The following TBXAS1 variants were observed in gnomAD, a reference collection of about 807,000 sequenced individuals.
TBXAS1 encodes the protein thromboxane A synthase 1, also known as thromboxane-A synthase.
Under a neutral mutation model 60.7 loss-of-function variants are expected in TBXAS1, and 48 were observed. The ratio of observed to expected loss-of-function variants is 0.79; its 90% CI spans 0.63 to 1.01. The LOEUF (loss-of-function observed/expected upper bound fraction) is 1.01. Among genes scored for constraint, TBXAS1 ranks in the 50% least tolerant of loss-of-function variants. TBXAS1 has a pLI of 0.00. For missense variants in TBXAS1, 685 were observed against 686.3 expected (o/e 1.00, Z 0.02); for synonymous variants, 287 against 269.7 (o/e 1.06, Z -0.63).
At chr7:139,944,094 T>C (rs1808503474) in intron 5 of TBXAS1, among the ~76,000 whole-genome samples, 1 of 152,156 alleles carries the variant, frequency 6.6e-6, no homozygotes, top group African/African-American at 2.4e-5. Context: ...AGAAACAAGG[T>C]ACATAAATCA....
intron 9 of TBXAS1, among the ~76,000 whole-genome samples, chr7:139,986,291 G>T (rs1051686549): frequency 6.6e-6 from 1 of 152,206 alleles, no homozygotes; most frequent in Non-Finnish European, 1.5e-5. Context: ...CCAGAGTTAA[G>T]TTGACTAGGG....
intron 1 of TBXAS1, among the ~76,000 whole-genome samples, chr7:139,857,353 T>A (rs988711712): frequency 6.6e-6 from 1 of 152,226 alleles, no homozygotes; most frequent in African/African-American, 2.4e-5. Context: ...TTACTCTTTT[T>A]TTTTCTCTCC....
In TBXAS1 at chr7:139,955,509, C is replaced by A. The variant is rs560818343; in HGVS notation, c.590C>A (p.Thr197Asn). The A allele has an allele frequency of 2.1e-4, 332 of 1,614,220 alleles. No homozygotes were observed. In the South Asian group the frequency reaches 3.5e-3, roughly 17 times the overall value. ...GTGGTTGCCAGCGTCGCCTTTGGCA[C>A]CCCGGTGGACTCCTGGCAGGCCCCT... ...TDVVASVAFG[T>N]PVDSWQAPED... Residue 197 changes from threonine (T) to asparagine (N), a missense_variant, in exon 7 of 13, where the codon ACC becomes AAC. Thr to Asn is a moderately conservative substitution (Grantham distance 65, BLOSUM62 0). Transcript: ENST00000448866.
At chr7:139,913,220 C>T in intron 4 of TBXAS1, 1 of 691,642 alleles carries the variant, frequency 1.4e-6, no homozygotes. Flanking sequence ...TTCTCTTTCC[C>T]AAACACTGCA....
chr7:139,808,755 T>C (rs1248966499), intron 4 of TBXAS1, among the ~76,000 whole-genome samples: 1 of 152,188 alleles, frequency 6.6e-6, no homozygotes, highest in African/African-American at 2.4e-5. Flanking sequence ...TACACACCTG[T>C]CTCACCTCCT....
chr7:140,008,516 T>G (rs2008810), intron 10 of TBXAS1, among the ~76,000 whole-genome samples: 1 of 150,148 alleles, frequency 6.7e-6, no homozygotes, highest in East Asian at 2.0e-4. Context: ...GGTGTGATCT[T>G]GGCTCACTGA....
chr7:139,865,695 A>G (rs868734771), intron 1 of TBXAS1, among the ~76,000 whole-genome samples: 70 of 15,888 alleles, frequency 4.4e-3, no homozygotes, highest in African/African-American at 5.4e-3. Flanking sequence ...AGGAGGAGGA[A>G]GAGGAGGAGG....
At chr7:139,802,097 A>G (rs1405977747) in intron 4 of TBXAS1, among the ~76,000 whole-genome samples, 1 of 152,188 alleles carries the variant, frequency 6.6e-6, no homozygotes, top group Non-Finnish European at 1.5e-5. Context: ...ACTCTCTCAT[A>G]TCACTTTGTT....
At chr7:139,996,961 G>A (rs190117682) in intron 9 of TBXAS1, among the ~76,000 whole-genome samples, 1 of 152,242 alleles carries the variant, frequency 6.6e-6, no homozygotes, top group East Asian at 1.9e-4. Context: ...CTGTCTTATT[G>A]ACCTATTTCC....
chr7:139,943,352 C>A (rs984732837), intron 5 of TBXAS1, among the ~76,000 whole-genome samples: 1 of 152,160 alleles, frequency 6.6e-6, no homozygotes, highest in Admixed American at 6.5e-5. Flanking sequence ...CAGTCGTGTT[C>A]CACCGACACC....
At chr7:139,857,356 T>C (rs1430251219) in intron 1 of TBXAS1, among the ~76,000 whole-genome samples, 2 of 152,226 alleles carry the variant, frequency 1.3e-5, no homozygotes, top group African/African-American at 4.8e-5. Context: ...CTCTTTTTTT[T>C]TCTCTCCATC....
chr7:139,812,710 G>A (rs184295722), intron 4 of TBXAS1, among the ~76,000 whole-genome samples: 80 of 152,244 alleles, frequency 5.3e-4, no homozygotes, highest in African/African-American at 1.6e-3. Context: ...TTGATAACAC[G>A]AGAAGTACCT....
chr7:139,861,223 T>A (rs971939628), intron 1 of TBXAS1, among the ~76,000 whole-genome samples: 1 of 151,868 alleles, frequency 6.6e-6, no homozygotes, highest in Non-Finnish European at 1.5e-5. Context: ...CTGCATTTGA[T>A]CTATTATGTA....
Position 140,020,225 on chromosome 7 carries a change from G to A in TBXAS1, c.*126G>A, listed in dbSNP as rs748624063. On this transcript the variant is annotated 3_prime_UTR_variant, in exon 13 of 13. Coordinates refer to ENST00000448866, the MANE Select transcript of TBXAS1 (RefSeq NM_001061.7). ...AAGAGTGCCTGGCATGCAAGGATAA[G>A]AGGTTCTTTACATAACATTTCCTAA... 3.2e-6 allele frequency: 3 copies of A among 929,192 alleles called. No homozygotes were observed. Among genetic ancestry groups the A allele is most frequent in the Admixed American group, 3.9e-5 (2 of 51,842 alleles). 57.6% of individuals were successfully genotyped at this position (929,192 alleles called of 1,614,324 possible). A position where few individuals can be genotyped will look rare whatever the true frequency, so the allele number is the denominator to read the frequency against.
intron 1 of TBXAS1, among the ~76,000 whole-genome samples, chr7:139,849,175 T>C (rs1800025872): frequency 6.6e-6 from 1 of 151,946 alleles, no homozygotes; most frequent in South Asian, 2.1e-4. Context: ...ACAGGAATTC[T>C]CGAGACCAGC....
intron 2 of TBXAS1, among the ~76,000 whole-genome samples, chr7:139,781,787 TTC>T (rs59827736): frequency 0.13 from 19,084 of 145,998 alleles, 2,225 homozygotes; most frequent in African/African-American, 0.29. Context: ...GTGAGCCGAG[TTC>T]TAGTGCCATT....
intron 1 of TBXAS1, among the ~76,000 whole-genome samples, chr7:139,870,564 C>T (rs763539680): frequency 2.2e-4 from 33 of 152,192 alleles, no homozygotes; most frequent in East Asian, 1.9e-4. Context: ...TGTCAACCTT[C>T]GGTACTCACA....
chr7:139,976,845 A>C (rs561111145), intron 9 of TBXAS1, among the ~76,000 whole-genome samples: 1 of 152,180 alleles, frequency 6.6e-6, no homozygotes, highest in African/African-American at 2.4e-5. Context: ...CAATGGCAGG[A>C]CTGACTTTAT....
chr7:139,955,745 T>G lies in TBXAS1; in HGVS notation c.688+138T>G, dbSNP rs1584947314. On this transcript the variant is annotated intron_variant, in intron 7 of 12. Coordinates refer to ENST00000448866, the MANE Select transcript of TBXAS1 (RefSeq NM_001061.7). ...GGGTTGTTCCCCTGCAGAGGCTTTG[T>G]CTTATGGAGCCACCGGGTTCCTCTT... 2.3e-6 allele frequency: 3 copies of G among 1,299,560 alleles called. No homozygotes were observed. The East Asian group carries it at 7.1e-5, about 31-fold the overall frequency. The allele number at this position is 1,299,560 out of a possible 1,614,324, so 80.5% of individuals were successfully genotyped here.
Sources: gnomAD v4.1 joint callset for allele counts (sites outside exome capture counted in the v4.1 genomes callset) on GRCh38, gnomAD v4.1.1 for gene constraint, MANE v1.5 for transcripts, NCBI Gene and HGNC (gene_info 2026-07-23, HGNC 2026-07-21) for gene names.